TNKS: variants seen among roughly 807,000 people sequenced by gnomAD.
TNKS encodes poly [ADP-ribose] polymerase tankyrase-1.
In TNKS, 72 loss-of-function variants were observed where a neutral mutation model predicts 135.8. The ratio of observed to expected loss-of-function variants is 0.53; its 90% CI spans 0.44 to 0.64. The LOEUF is 0.64. TNKS is among the 30% of genes least tolerant of loss of function. The pLI, the probability that TNKS is intolerant of heterozygous loss-of-function variation, is 0.00. For missense variants in TNKS, 1,769 were observed against 1,674.0 expected, an observed-to-expected ratio of 1.06 and a Z score of -0.99; for synonymous variants, 849 against 649.3, an observed-to-expected ratio of 1.31 and a Z score of -4.68.
At chr8:9,672,696 AC>A (rs1802343654) in intron 3 of TNKS, among the ~76,000 whole-genome samples, 12 of 124,222 alleles carry the variant, frequency 9.7e-5, no homozygotes, top group Non-Finnish European at 1.7e-4. Context: ...ACACACACAC[AC>A]ACACACACAC....
chr8:9,689,711 T>A (rs974898526), intron 5 of TNKS, among the ~76,000 whole-genome samples: 7 of 152,286 alleles, frequency 4.6e-5, no homozygotes, highest in Admixed American at 1.3e-4. Context: ...AAAGACTTTA[T>A]CACTTAAGGA....
At position 9,727,485 on chromosome 8, in the gene TNKS, CTCAAACT is replaced by C. The variant is rs1805221338; in HGVS notation, c.2001+766_2001+772del. Reference sequence around the variant, plus strand: ...GTCTTGCTGTATTGCCCAGGCAGGCCTCAAACTCCTGGGGCTCAAGCAATCCTCTTGC... The same window carrying C: ...GTCTTGCTGTATTGCCCAGGCAGGCCCCTGGGGCTCAAGCAATCCTCTTGC... On this transcript the variant is annotated intron_variant, in intron 13 of 26. Transcript: ENST00000310430. 2.0e-5 allele frequency among the ~76,000 whole-genome samples: 3 copies of C among 152,102 alleles called. No individual in the cohort carries two copies. In the East Asian group the frequency reaches 5.8e-4, roughly 29 times the overall value.
At chr8:9,753,663 G>A (rs1013593062) in intron 20 of TNKS, among the ~76,000 whole-genome samples, 1 of 152,188 alleles carries the variant, frequency 6.6e-6, no homozygotes, top group African/African-American at 2.4e-5. Flanking sequence ...AATGGGAAAG[G>A]TGTTTAGAGA....
At chr8:9,625,387 A>G (rs975990066) in intron 3 of TNKS, among the ~76,000 whole-genome samples, 1 of 151,366 alleles carries the variant, frequency 6.6e-6, no homozygotes, top group Non-Finnish European at 1.5e-5. Flanking sequence ...TGTTTTCAAT[A>G]TTGTTGATTT....
intron 5 of TNKS, among the ~76,000 whole-genome samples, chr8:9,689,281 A>C (rs1344565081): frequency 6.6e-6 from 1 of 152,210 alleles, no homozygotes; most frequent in Non-Finnish European, 1.5e-5. Context: ...GAAGTATCAA[A>C]AATCTTCATA....
At chr8:9,731,621 G>A (rs1027801612) in intron 14 of TNKS, among the ~76,000 whole-genome samples, 7 of 152,118 alleles carry the variant, frequency 4.6e-5, no homozygotes, top group African/African-American at 7.2e-5. Flanking sequence ...TGGCGATGGT[G>A]GTGGTGGTGA....
chr8:9,761,516 A>G lies in TNKS; in HGVS notation c.3154A>G (p.Ile1052Val). The change falls in exon 21 of 27, where the codon ATT (isoleucine) becomes GTT (valine). Residue 1052 changes from isoleucine (I) to valine (V), a missense_variant and splice_region_variant. By Grantham distance (29) the Ile-to-Val change is conservative. Transcript: ENST00000310430. ...TAGCTAATTTTGTTTCATTTTTCAGATTACACTAGATGTGTTGGCTGATAT... is the reference window on the plus strand; with the variant it reads ...TAGCTAATTTTGTTTCATTTTTCAGGTTACACTAGATGTGTTGGCTGATAT... Reference protein sequence around the residue: ...HLRDIFETEQITLDVLADMGH... With the variant: ...HLRDIFETEQVTLDVLADMGH... 6.2e-7 allele frequency: 1 copy of G among 1,612,832 alleles called. No homozygotes were observed. Among genetic ancestry groups the G allele is most frequent in the Non-Finnish European group, 8.5e-7 (1 of 1,179,734 alleles).
chr8:9,736,140 G>A (rs1189509379), intron 17 of TNKS, among the ~76,000 whole-genome samples: 1 of 150,294 alleles, frequency 6.7e-6, no homozygotes, highest in Non-Finnish European at 1.5e-5. Context: ...TCTACCTCAA[G>A]TATATTTTAA....
chr8:9,730,394 A>G (rs1034829263), intron 13 of TNKS, among the ~76,000 whole-genome samples: 2 of 152,214 alleles, frequency 1.3e-5, no homozygotes, highest in African/African-American at 4.8e-5. Context: ...GCTTTGCTAC[A>G]GTCAATCAAA....
chr8:9,676,686 C>CTCTCTCTGTGTGTGTGTGTGTGTG (rs1554467464), intron 3 of TNKS, among the ~76,000 whole-genome samples: 1 of 147,886 alleles, frequency 6.8e-6, no homozygotes, highest in African/African-American at 2.5e-5. Flanking sequence ...CTCTCTCTCT[C>CTCTCTCTGTGTGTGTGTGTGTGTG]TGTGTGTGTG....
rs75976921 is a variant in TNKS, at chr8:9,632,718, T to G, written c.994+17041T>G. On this transcript the variant is annotated intron_variant, in intron 3 of 26. Coordinates refer to ENST00000310430, the MANE Select transcript of TNKS (RefSeq NM_003747.3). Reference sequence around the variant, plus strand: ...TTCTTTTACTTTTGGTTTAATGATGTTACTACTCTATATTGTTCTTTCCTT... The same window carrying G: ...TTCTTTTACTTTTGGTTTAATGATGGTACTACTCTATATTGTTCTTTCCTT... Among the ~76,000 whole-genome samples, 732 of 152,310 alleles carry G rather than the reference T, an allele frequency of 4.8e-3. 9 individuals are homozygous for G. The highest frequency in any genetic ancestry group is 0.017 in the African/African-American group (695 of 41,572).
At chr8:9,689,506 C>T (rs933311644) in intron 5 of TNKS, among the ~76,000 whole-genome samples, 5 of 151,882 alleles carry the variant, frequency 3.3e-5, no homozygotes, top group African/African-American at 4.8e-5. Flanking sequence ...AAAAAAAATG[C>T]TTTAATTTGT....
intron 9 of TNKS, 93 bp from the exon 10 acceptor site, chr8:9,709,862 A>G (rs960106942): frequency 3.7e-4 from 327 of 879,490 alleles, no homozygotes; most frequent in Non-Finnish European, 2.3e-4. Context: ...TGAGATAACA[A>G]TGTTTTAAAT....
intron 3 of TNKS, among the ~76,000 whole-genome samples, chr8:9,633,736 C>T (rs185297197): frequency 4.6e-5 from 7 of 152,308 alleles, no homozygotes; most frequent in Admixed American, 2.0e-4. Flanking sequence ...TTGTAAACTG[C>T]CTTATAGACA....
chr8:9,665,081 A>T (rs1175189049), intron 3 of TNKS, among the ~76,000 whole-genome samples: 1 of 152,058 alleles, frequency 6.6e-6, no homozygotes, highest in Non-Finnish European at 1.5e-5. Flanking sequence ...TCCTATACTC[A>T]CCACCTACTA....
intron 1 of TNKS, among the ~76,000 whole-genome samples, chr8:9,579,908 C>T (rs1049224701): frequency 1.8e-4 from 27 of 152,306 alleles, no homozygotes; most frequent in African/African-American, 6.3e-4. Flanking sequence ...CACTGTTGCA[C>T]AGCACATATT....
intron 3 of TNKS, among the ~76,000 whole-genome samples, chr8:9,678,415 G>T (rs767287876): frequency 1.3e-5 from 2 of 152,066 alleles, no homozygotes; most frequent in Non-Finnish European, 2.9e-5. Context: ...CTGTCAGTTG[G>T]CTAAAAAATC....
At chr8:9,626,761 T>A (rs1001186025) in intron 3 of TNKS, among the ~76,000 whole-genome samples, 1 of 152,218 alleles carries the variant, frequency 6.6e-6, no homozygotes, top group Non-Finnish European at 1.5e-5. Flanking sequence ...TGAGGGAGTT[T>A]TTAATTATTG....
rs142525985 is a variant in TNKS, at chr8:9,746,793, G to C, written c.2644-1231G>C. On this transcript the variant is annotated intron_variant, in intron 17 of 26. Coordinates refer to ENST00000310430, the MANE Select transcript of TNKS (RefSeq NM_003747.3). Reference sequence around the variant, plus strand: ...TGTGCTCCAACCTTTTCTGACAAACGATCTGCACAATGTCTTTACTTTGAT... The same window carrying C: ...TGTGCTCCAACCTTTTCTGACAAACCATCTGCACAATGTCTTTACTTTGAT... Among the ~76,000 whole-genome samples, 753 of 151,520 alleles carry C rather than the reference G, an allele frequency of 5.0e-3. 9 individuals are homozygous for C. Among genetic ancestry groups the C allele is most frequent in the African/African-American group, 0.017 (699 of 41,228 alleles).
Sources: gnomAD v4.1 joint callset for allele counts (sites outside exome capture counted in the v4.1 genomes callset) on GRCh38, gnomAD v4.1.1 for gene constraint, MANE v1.5 for transcripts, NCBI Gene and HGNC (gene_info 2026-07-23, HGNC 2026-07-21) for gene names.